SLC2A12: variants seen among roughly 807,000 people sequenced by gnomAD.
SLC2A12 encodes solute carrier family 2, facilitated glucose transporter member 12.
In SLC2A12, 23 loss-of-function variants were observed where a neutral mutation model predicts 41.8. The observed-to-expected ratio is 0.55, with a 90% CI of 0.40 to 0.78. The LOEUF is 0.78. Among genes scored for constraint, SLC2A12 ranks in the 30% least tolerant of loss-of-function variants. The pLI, the probability that SLC2A12 is intolerant of heterozygous loss-of-function variation, is 0.00. For missense variants in SLC2A12, 654 were observed against 745.6 expected (o/e 0.88, Z 1.43); for synonymous variants, 295 against 285.9 (o/e 1.03, Z -0.32).
At chr6:134,014,335 G>A (rs549217516) in intron 2 of SLC2A12, among the ~76,000 whole-genome samples, 1 of 152,192 alleles carries the variant, frequency 6.6e-6, no homozygotes, top group East Asian at 1.9e-4. Flanking sequence ...TGTGCAGCCG[G>A]GTTCCTAACA....
intron 4 of SLC2A12, among the ~76,000 whole-genome samples, 200 bp from the exon 5 acceptor site, chr6:133,991,508 G>A (rs1025468152): frequency 9.2e-5 from 14 of 152,112 alleles, no homozygotes; most frequent in Admixed American, 7.9e-4. Context: ...AAGGGGTAAC[G>A]GTGTCTTCTC....
At chr6:134,017,618 CGAG>C (rs1441262378) in intron 2 of SLC2A12, among the ~76,000 whole-genome samples, 2 of 151,838 alleles carry the variant, frequency 1.3e-5, no homozygotes, top group African/African-American at 4.8e-5. Flanking sequence ...TTTGGGAGGC[CGAG>C]GAGGGCGGAT....
chr6:134,012,762 G>A (rs572120714), intron 2 of SLC2A12, among the ~76,000 whole-genome samples: 1 of 152,244 alleles, frequency 6.6e-6, no homozygotes, highest in East Asian at 1.9e-4. Flanking sequence ...GAGGCCAGAA[G>A]TTTGGGAAAA....
At chr6:134,042,906 G>T (rs1777402082) in intron 1 of SLC2A12, among the ~76,000 whole-genome samples, 2 of 152,096 alleles carry the variant, frequency 1.3e-5, no homozygotes, top group African/African-American at 4.8e-5. Flanking sequence ...CATCAAGCCT[G>T]CAGTGAGCTG....
chr6:134,031,065 G>A (rs1408970639), intron 1 of SLC2A12, among the ~76,000 whole-genome samples: 1 of 152,174 alleles, frequency 6.6e-6, no homozygotes, highest in African/African-American at 2.4e-5. Context: ...TAAGTAGGCA[G>A]ATTCAAGACT....
intron 4 of SLC2A12, among the ~76,000 whole-genome samples, chr6:133,994,993 A>G (rs893363211): frequency 3.3e-5 from 5 of 152,218 alleles, no homozygotes; most frequent in African/African-American, 1.2e-4. Context: ...CCACAGAGTT[A>G]ACCAACATGG....
At chr6:134,047,807 A>T (rs1248464907) in intron 1 of SLC2A12, among the ~76,000 whole-genome samples, 1 of 152,244 alleles carries the variant, frequency 6.6e-6, no homozygotes, top group Non-Finnish European at 1.5e-5. Flanking sequence ...TGGTTCAGGC[A>T]TGCTGGTGTG....
rs1179176845 is a variant in SLC2A12, at chr6:134,028,928, GAAC to G, written c.894_896del (p.Leu298del). 6.2e-7 allele frequency: 1 copy of G among 1,614,218 alleles called. No individual in the cohort carries two copies. Among genetic ancestry groups the G allele is most frequent in the East Asian group, 2.2e-5 (1 of 44,882 alleles). On this transcript the variant is annotated inframe_deletion, in exon 2 of 5. Transcript: ENST00000275230. ...CTGACTTCAAAACAGTTGATGCATA[GAAC>G]AATATGTTTGGTTGGCCAGTGATTT...
intron 2 of SLC2A12, 104 bp from the exon 3 acceptor site, chr6:134,007,038 T>G (rs1776824643): frequency 6.7e-7 from 1 of 1,501,782 alleles, no homozygotes; most frequent in East Asian, 2.3e-5. Flanking sequence ...CCTGCCGGGA[T>G]TTGTGGTTGG....
At chr6:134,020,933 G>T (rs74414451) in intron 2 of SLC2A12, among the ~76,000 whole-genome samples, 4,909 of 152,212 alleles carry the variant, frequency 0.032, 134 homozygotes, top group East Asian at 0.12. Context: ...AAAAAGCAGA[G>T]GATCCAAAAA....
chr6:134,052,147 A>T (rs1477898660), intron 1 of SLC2A12, among the ~76,000 whole-genome samples: 3 of 151,938 alleles, frequency 2.0e-5, no homozygotes, highest in African/African-American at 7.3e-5. Context: ...TTCCACCAAG[A>T]CTTCGATCTT....
intron 1 of SLC2A12, among the ~76,000 whole-genome samples, chr6:134,034,392 T>C (rs1187018884): frequency 1.3e-5 from 2 of 152,236 alleles, no homozygotes; most frequent in East Asian, 3.8e-4. Flanking sequence ...TATTTAGGAC[T>C]GCTGTTTGAT....
chr6:134,030,280 A>AC (rs1390070898), intron 1 of SLC2A12, among the ~76,000 whole-genome samples: 1 of 152,158 alleles, frequency 6.6e-6, no homozygotes, highest in African/African-American at 2.4e-5. Context: ...CCTCTGCTGA[A>AC]CACATGAGGG....
intron 4 of SLC2A12, among the ~76,000 whole-genome samples, chr6:134,001,535 T>C (rs1019904627): frequency 1.3e-5 from 2 of 152,212 alleles, no homozygotes; most frequent in Non-Finnish European, 2.9e-5. Flanking sequence ...CAATGATGTA[T>C]TTTTGTTTTT....
chr6:134,015,702 G>A (rs1450797190), intron 2 of SLC2A12, among the ~76,000 whole-genome samples: 1 of 152,130 alleles, frequency 6.6e-6, no homozygotes, highest in Admixed American at 6.5e-5. Flanking sequence ...CTGTGCTTCT[G>A]CAATGTCAGC....
intron 1 of SLC2A12, among the ~76,000 whole-genome samples, chr6:134,038,471 A>C (rs6569921): frequency 0.21 from 29,378 of 139,194 alleles, 7,680 homozygotes; most frequent in African/African-American, 0.62. Context: ...AAGTGATTCT[A>C]CTTTCTCAGC....
Position 134,002,055 on chromosome 6 carries a change from A to G in SLC2A12, c.1642T>C (p.Phe548Leu). ...SLASLLFVVM[F>L]IPETKGCSLE... ...GAGCATCCCTTTGTCTCAGGTATAA[A>G]CATAACAACAAAAAGCAGGGATGCT... The change falls in exon 4 of 5, where the codon TTT (phenylalanine) becomes CTT (leucine). Residue 548 changes from phenylalanine (F) to leucine (L), a missense_variant. This residue lies in a region of SLC2A12 where 134 missense variants were observed against 180.5 expected (regional missense o/e 0.74). Coordinates refer to ENST00000275230, the MANE Select transcript of SLC2A12 (RefSeq NM_145176.3). The G allele has an allele frequency of 6.2e-7, 1 of 1,604,880 alleles. No homozygotes were observed.
intron 1 of SLC2A12, among the ~76,000 whole-genome samples, chr6:134,032,289 G>A (rs73774199): frequency 0.055 from 8,333 of 151,212 alleles, 585 homozygotes; most frequent in African/African-American, 0.16. Context: ...GCAAATTTAT[G>A]AGCATTTTGA....
intron 2 of SLC2A12, among the ~76,000 whole-genome samples, chr6:134,009,482 C>G (rs892086942): frequency 1.3e-5 from 2 of 151,974 alleles, no homozygotes. Context: ...CAAAAATTGA[C>G]AAATGTTTTG....
Sources: allele counts gnomAD v4.1 joint callset (sites outside exome capture counted in the v4.1 genomes callset), GRCh38; gene constraint gnomAD v4.1.1; regional missense constraint gnomAD v4.1.1; transcripts MANE v1.5; gene names NCBI Gene and HGNC (gene_info 2026-07-23, HGNC 2026-07-21).